ZDHHC6: variants seen among roughly 807,000 people sequenced by gnomAD.
ZDHHC6 encodes the protein zDHHC palmitoyltransferase 6.
ZDHHC6 carries 32 observed loss-of-function variants against 57.8 expected under a neutral mutation model. That is an observed-to-expected ratio of 0.55 (90% CI 0.42 to 0.74). The LOEUF is 0.74. ZDHHC6 is among the 30% of genes least tolerant of loss of function. ZDHHC6 has a pLI of 0.00. For missense variants in ZDHHC6, 433 were observed against 500.7 expected (o/e 0.86, Z 1.29); for synonymous variants, 128 against 158.0 (o/e 0.81, Z 1.42).
At chr10:112,426,037 A>C (rs1844682342), downstream of ZDHHC6, among the ~76,000 whole-genome samples, 1 of 152,230 alleles carries the variant, frequency 6.6e-6, no homozygotes, top group Non-Finnish European at 1.5e-5. Flanking sequence ...TTGAAGGATC[A>C]GATTTGAATG....
intron 5 of ZDHHC6, among the ~76,000 whole-genome samples, chr10:112,439,213 A>G (rs1845834421): frequency 6.7e-6 from 1 of 148,732 alleles, no homozygotes; most frequent in Admixed American, 6.7e-5. Flanking sequence ...AACAAACAAC[A>G]ATAAAAAAAT....
In ZDHHC6 at chr10:112,445,476, T is replaced by C. The variant is rs114174605; in HGVS notation, c.-40A>G. 3,049 of 1,595,042 alleles carry C rather than the reference T, an allele frequency of 1.9e-3. 55 individuals carry two copies. The African/African-American group carries it at 0.037, about 20-fold the overall frequency. On this transcript the variant is annotated 5_prime_UTR_variant, in exon 2 of 11. Coordinates refer to ENST00000369405, the MANE Select transcript of ZDHHC6 (RefSeq NM_022494.3). ...ATGCCTTCCTACTTTAAAAGAATTA[T>C]AGATTTCCTTTTTCTGTGCGCACAT...
exon 12 of ZDHHC6, chr10:112,425,270 C>T (rs1305306833): frequency 3.6e-6 from 5 of 1,388,712 alleles, no homozygotes; most frequent in East Asian, 2.5e-5. Context: ...ACTGTGACTT[C>T]ACCACTCTCC....
At chr10:112,425,612 A>T, downstream of ZDHHC6, 1 of 785,646 alleles carries the variant, frequency 1.3e-6, no homozygotes, top group East Asian at 3.2e-5. Context: ...AAAAAAAAAA[A>T]TGAAGTTACA....
Position 112,445,510 on chromosome 10 carries a change from G to T in ZDHHC6, c.-74C>A. ...TTTTTCTGTGCGCACATTTCCATGT[G>T]CCACAAGTCCATGTGTGTTCTTTAA... On this transcript the variant is annotated 5_prime_UTR_variant, in exon 2 of 11. Coordinates refer to ENST00000369405, the MANE Select transcript of ZDHHC6 (RefSeq NM_022494.3). 48 of 1,492,224 alleles carry T rather than the reference G, an allele frequency of 3.2e-5. No homozygotes were observed. Among genetic ancestry groups the T allele is most frequent in the Middle Eastern group, 2.3e-4 (1 of 4,264 alleles). The allele number at this position is 1,492,224 out of a possible 1,614,324, so 92.4% of individuals were successfully genotyped here.
intron 6 of ZDHHC6, among the ~76,000 whole-genome samples, chr10:112,435,526 G>C (rs567816643): frequency 1.0e-3 from 156 of 152,248 alleles, no homozygotes; most frequent in Non-Finnish European, 1.8e-3. Flanking sequence ...TATTTATTAT[G>C]CTTATTAGAA....
At chr10:112,445,034 C>T in intron 2 of ZDHHC6, 136 bp downstream of exon 2, 6 of 992,692 alleles carry the variant, frequency 6.0e-6, no homozygotes, top group Non-Finnish European at 8.6e-6. Context: ...CCTAAATGAT[C>T]AGTGATTAGA....
intron 7 of ZDHHC6, 97 bp downstream of exon 7, chr10:112,434,200 T>A (rs1235667998): frequency 5.0e-6 from 6 of 1,210,718 alleles, no homozygotes; most frequent in Non-Finnish European, 6.8e-6. Flanking sequence ...AACATTCATA[T>A]TACTTATTTT....
chr10:112,429,482 C>CT (rs1163866714), downstream of ZDHHC6, among the ~76,000 whole-genome samples: 1 of 152,214 alleles, frequency 6.6e-6, no homozygotes, highest in Non-Finnish European at 1.5e-5. Flanking sequence ...TTTTACCTGT[C>CT]TGTTCACTGC....
At chr10:112,431,797 A>C (rs1321516543) in intron 10 of ZDHHC6, among the ~76,000 whole-genome samples, 1 of 152,072 alleles carries the variant, frequency 6.6e-6, no homozygotes, top group Non-Finnish European at 1.5e-5. Flanking sequence ...AGAAATGCTC[A>C]AAGTGGGGGC....
At chr10:112,426,760 T>C (rs1454687531), downstream of ZDHHC6, 2 of 1,604,880 alleles carry the variant, frequency 1.2e-6, no homozygotes, top group Non-Finnish European at 1.7e-6. Context: ...GAAACAGCCA[T>C]GCTTTAAGTG....
chr10:112,429,612 T>G (rs1426781717), downstream of ZDHHC6, among the ~76,000 whole-genome samples: 1 of 152,242 alleles, frequency 6.6e-6, no homozygotes, highest in Non-Finnish European at 1.5e-5. Context: ...TCTTTCCTTC[T>G]GTGATTCCAC....
intron 2 of ZDHHC6, among the ~76,000 whole-genome samples, chr10:112,443,917 T>G (rs1487372378): frequency 6.6e-6 from 1 of 152,164 alleles, no homozygotes; most frequent in Non-Finnish European, 1.5e-5. Flanking sequence ...GCTGACAACT[T>G]AGCAGGTATT....
downstream of ZDHHC6, chr10:112,426,957 G>A: frequency 1.8e-6 from 2 of 1,139,314 alleles, no homozygotes; most frequent in Non-Finnish European, 2.6e-6. Flanking sequence ...CTAAGGAATT[G>A]ATTTTAGATT....
In ZDHHC6 at chr10:112,445,637, G is replaced by T; in HGVS notation, c.-201C>A. ...TTAACTAGGAGAATCCAGTGTCTTG[G>T]TCTGAAACCCAACCTAAAGAAAACA... On this transcript the variant is annotated 5_prime_UTR_variant, in exon 2 of 11. Coordinates refer to ENST00000369405, the MANE Select transcript of ZDHHC6 (RefSeq NM_022494.3). The T allele has an allele frequency of 1.6e-6, 1 of 609,462 alleles. No homozygotes were observed. The highest frequency in any genetic ancestry group is 2.7e-6 in the Non-Finnish European group (1 of 366,146). The allele number at this position is 609,462 out of a possible 1,614,324, so 37.8% of individuals were successfully genotyped here.
At position 112,432,446 on chromosome 10, in the gene ZDHHC6, T is replaced by G. The variant is rs772067061; in HGVS notation, c.1021A>C (p.Ser341Arg). 2 of 1,614,206 alleles carry G rather than the reference T, an allele frequency of 1.2e-6. No homozygotes were observed. Among genetic ancestry groups the G allele is most frequent in the Non-Finnish European group, 1.7e-6 (2 of 1,180,034 alleles). ...LNKGIKTFFTSPCTEEPRIQL... is the reference protein window; with the variant it reads ...LNKGIKTFFTRPCTEEPRIQL... ...ATTCGAGGCTCTTCGGTGCAGGGAC[T>G]TGTGAAGAAGGTTTTGATTCCTTTA... is the stretch of plus-strand genomic sequence containing the variant. Residue 341 changes from serine (S) to arginine (R), a missense_variant, in exon 9 of 11, where the codon AGT becomes CGT. Transcript: ENST00000369405.
intron 6 of ZDHHC6, among the ~76,000 whole-genome samples, chr10:112,435,917 G>C (rs1385935777): frequency 2.0e-5 from 3 of 152,190 alleles, no homozygotes; most frequent in African/African-American, 7.2e-5. Context: ...GGGTGTGGTA[G>C]ATGCTATGGG....
downstream of ZDHHC6, chr10:112,427,008 T>C: frequency 1.2e-6 from 1 of 852,356 alleles, no homozygotes; most frequent in Non-Finnish European, 1.8e-6. Flanking sequence ...TAGTTACTTG[T>C]ACAGCGCCCT....
At chr10:112,439,888 T>C (rs899317493) in intron 5 of ZDHHC6, among the ~76,000 whole-genome samples, 1 of 152,018 alleles carries the variant, frequency 6.6e-6, no homozygotes, top group Non-Finnish European at 1.5e-5. Flanking sequence ...TTAAATAGCA[T>C]CTTTATCATA....
Sources: allele counts gnomAD v4.1 joint callset (sites outside exome capture counted in the v4.1 genomes callset), GRCh38; gene constraint gnomAD v4.1.1; transcripts MANE v1.5; gene names NCBI Gene and HGNC (gene_info 2026-07-23, HGNC 2026-07-21).